MGST1: variants seen among roughly 807,000 people sequenced by gnomAD.
The protein encoded by MGST1 is microsomal glutathione S-transferase 1.
In MGST1, 5 loss-of-function variants were observed where a neutral mutation model predicts 8.9. The ratio of observed to expected loss-of-function variants is 0.56; its 90% CI spans 0.29 to 1.19. The LOEUF is 1.19. Ranked by LOEUF, MGST1 falls within the 50% of genes most tolerant of loss-of-function variation. The pLI is 0.08. For missense variants in MGST1, 182 were observed against 187.4 expected (o/e 0.97, Z 0.17); for synonymous variants, 54 against 67.8 (o/e 0.80, Z 1.00).
At chr12:16,376,000 C>A in intron 3 of MGST1, 1 of 551,288 alleles carries the variant, frequency 1.8e-6, no homozygotes, top group Non-Finnish European at 2.8e-6. Flanking sequence ...CACACAACAC[C>A]CACACACCTA....
rs1009607903 is a variant in MGST1, at chr12:16,431,201, G to A, written n.779-6187G>A. On this transcript the variant is annotated intron_variant and non_coding_transcript_variant, in intron 1 of 1. Coordinates refer to the MGST1 transcript ENST00000359720. ...CCTGGATTAAGCTTTGGCTTCAGGG[G>A]ACATTGTAGCTGGTTTGATCTTCTA... Among the ~76,000 whole-genome samples the A allele has an allele frequency of 3.3e-5, 5 of 152,336 alleles. No homozygotes were observed. In the South Asian group the frequency reaches 1.0e-3, roughly 32 times the overall value.
chr12:16,401,671 C>T lies in MGST1; in HGVS notation n.778+18067C>T. ...ACACTGAACTTGAGATTATAGTTGC[C>T]ACCACTCTGAATGATAGGAGGGTAA... On this transcript the variant is annotated intron_variant and non_coding_transcript_variant, in intron 1 of 1. Coordinates refer to the MGST1 transcript ENST00000359720. The surrounding 1 kb of genome is among the most constrained non-coding windows in gnomAD (Gnocchi z 4.3). The T allele has an allele frequency of 2.5e-6, 4 of 1,602,882 alleles. No homozygotes were observed. The highest frequency in any genetic ancestry group is 3.4e-6 in the Non-Finnish European group (4 of 1,169,774).
intron 1 of MGST1, among the ~76,000 whole-genome samples, chr12:16,393,981 A>C (rs1280382922): frequency 6.6e-6 from 1 of 152,262 alleles, no homozygotes; most frequent in Admixed American, 6.5e-5. Context: ...TGGCACGAAC[A>C]TTCAGGTACA....
Position 16,348,000 on chromosome 12 carries a change from C to A in MGST1, c.-23+290C>A, listed in dbSNP as rs950546713. 6.6e-6 allele frequency: 1 copy of A among 152,138 alleles called. No individual in the cohort carries two copies. The highest frequency in any genetic ancestry group is 1.5e-5 in the Non-Finnish European group (1 of 68,034). 9.4% of individuals were successfully genotyped at this position (152,138 alleles called of 1,614,324 possible). A position where few individuals can be genotyped will look rare whatever the true frequency, so the allele number is the denominator to read the frequency against. ...TAGCCTTTTCAAGTCAAAGTAACCT[C>A]CTGTTTGAAAGGGTCCCTTGAACTC... On this transcript the variant is annotated intron_variant, in intron 1 of 3. Transcript: ENST00000396210. This position sits in a 1 kb window ranked among gnomAD's most constrained non-coding sequence, Gnocchi z 4.0.
chr12:16,547,040 A>C lies in MGST1; in HGVS notation n.483-42488A>C, dbSNP rs777452070. ...AGTCTTACATCTTGATTATAAAAGT[A>C]AAAATATACCTTTCTGAATAATACT... On this transcript the variant is annotated intron_variant and non_coding_transcript_variant, in intron 4 of 4. Coordinates refer to the MGST1 transcript ENST00000538857. This position sits in a 1 kb window ranked among gnomAD's most constrained non-coding sequence, Gnocchi z 4.6. Among the ~76,000 whole-genome samples the C allele has an allele frequency of 6.6e-6, 1 of 152,178 alleles. No individual in the cohort carries two copies. The highest frequency in any genetic ancestry group is 1.5e-5 in the Non-Finnish European group (1 of 68,036).
rs150464876 is a variant in MGST1 at position 16,491,639 on chromosome 12, T to C, written n.483-97889T>C. Among the ~76,000 whole-genome samples the C allele has an allele frequency of 4.6e-5, 7 of 152,302 alleles. No individual in the cohort carries two copies. The East Asian group carries it at 1.3e-3, about 29-fold the overall frequency. On this transcript the variant is annotated intron_variant and non_coding_transcript_variant, in intron 4 of 4. Transcript: ENST00000538857. The stretch of plus-strand genomic sequence containing the variant: ...TGAATAAATGTAAGTACTTTACATT[T>C]AGTGTTTCAAATAGGATGAGCTTAC...
At chr12:16,372,780 T>A (rs535141858) in intron 3 of MGST1, among the ~76,000 whole-genome samples, 1 of 151,352 alleles carries the variant, frequency 6.6e-6, no homozygotes, top group African/African-American at 2.4e-5. Flanking sequence ...TAAGTGCCCA[T>A]CAACAGGTGG....
Position 16,426,994 on chromosome 12 carries a change from C to G in MGST1, n.779-10394C>G, listed in dbSNP as rs184246661. Among the ~76,000 whole-genome samples, 495 of 142,302 alleles carry G rather than the reference C, an allele frequency of 3.5e-3. 2 individuals carry two copies. Among genetic ancestry groups the G allele is most frequent in the African/African-American group, 0.012 (477 of 39,318 alleles). 93.4% of individuals were successfully genotyped at this position (142,302 alleles called of 152,430 possible). ...CAAAAAAAAAAAAAAAAAAGCTGAA[C>G]AAAACAGAATTATATTCATTCATTA... is the stretch of plus-strand genomic sequence containing the variant. On this transcript the variant is annotated intron_variant and non_coding_transcript_variant, in intron 1 of 1. Transcript: ENST00000359720.
intron 4 of MGST1, among the ~76,000 whole-genome samples, chr12:16,525,855 A>G (rs1482736297): frequency 2.0e-5 from 3 of 151,018 alleles, no homozygotes; most frequent in Admixed American, 1.3e-4. Flanking sequence ...GTGAGATGGT[A>G]TCTCATTGTG....
chr12:16,549,249 A>G (rs1040947150), intron 4 of MGST1: 1 of 152,120 alleles, frequency 6.6e-6, no homozygotes, highest in Non-Finnish European at 1.5e-5. Context: ...AAACAAGTGT[A>G]AGGCTCTAAG....
At chr12:16,564,436 C>G (rs896149161) in intron 4 of MGST1, among the ~76,000 whole-genome samples, 1 of 152,212 alleles carries the variant, frequency 6.6e-6, no homozygotes, top group African/African-American at 2.4e-5. Context: ...AGTGTATATC[C>G]ATTTCTAACG....
chr12:16,377,130 T>G (rs1313134515), exon 4 of MGST1: 1 of 152,058 alleles, frequency 6.6e-6, no homozygotes, highest in Non-Finnish European at 1.5e-5. Context: ...ATACTCCAGT[T>G]TTTTGTGTGC....
intron 1 of MGST1, among the ~76,000 whole-genome samples, chr12:16,405,946 C>A (rs929729774): frequency 1.3e-5 from 2 of 152,154 alleles, no homozygotes; most frequent in Non-Finnish European, 2.9e-5. Context: ...AACTCACAGC[C>A]AACATCATAC....
At chr12:16,399,476 C>A in intron 1 of MGST1, 2 of 1,554,570 alleles carry the variant, frequency 1.3e-6, no homozygotes, top group South Asian at 2.2e-5. Context: ...CCTTTCCACT[C>A]TCTTCTTCAC....
chr12:16,513,932 G>T lies in MGST1; in HGVS notation n.483-75596G>T. 1.8e-6 allele frequency: 1 copy of T among 546,136 alleles called. No homozygotes were observed. Among genetic ancestry groups the T allele is most frequent in the South Asian group, 1.7e-5 (1 of 58,356 alleles). The allele number at this position is 546,136 out of a possible 1,614,324, so 33.8% of individuals were successfully genotyped here. ...CTACAAGGTTATCGATACTATGACC[G>T]CAAGACTTGCGGTTTTGACTTCACA... On this transcript the variant is annotated intron_variant and non_coding_transcript_variant, in intron 4 of 4. Transcript: ENST00000538857. This position sits in a 1 kb window ranked among gnomAD's most constrained non-coding sequence, Gnocchi z 4.2.
intron 4 of MGST1, among the ~76,000 whole-genome samples, chr12:16,566,106 C>G (rs1224285224): frequency 7.1e-6 from 1 of 141,660 alleles, no homozygotes. Flanking sequence ...CTGGATGAAC[C>G]TGGAGGGCAT....
chr12:16,483,700 A>G (rs1178656652), intron 4 of MGST1, among the ~76,000 whole-genome samples: 2 of 152,314 alleles, frequency 1.3e-5, no homozygotes, highest in South Asian at 2.1e-4. Context: ...ACATAACCTT[A>G]AGACACACAA....
chr12:16,493,219 C>A (rs1209033797), intron 4 of MGST1, among the ~76,000 whole-genome samples: 1 of 152,174 alleles, frequency 6.6e-6, no homozygotes, highest in Non-Finnish European at 1.5e-5. Flanking sequence ...AGTACTGAAG[C>A]TTCTACTTTT....
rs1443019035 is a variant in MGST1, at chr12:16,482,077, GA to G, written n.482+98477del. On this transcript the variant is annotated intron_variant and non_coding_transcript_variant, in intron 4 of 4. Transcript: ENST00000538857. This position sits in a 1 kb window ranked among gnomAD's most constrained non-coding sequence, Gnocchi z 4.2. ...TATAAAATAATAACATTGAGGTGCT[GA>G]AAATATAATAGTCAACATAAAATTG... 6.6e-6 allele frequency among the ~76,000 whole-genome samples: 1 copy of G among 152,150 alleles called. No homozygotes were observed. Among genetic ancestry groups the G allele is most frequent in the African/African-American group, 2.4e-5 (1 of 41,438 alleles).
Sources: gnomAD v4.1 joint callset for allele counts (sites outside exome capture counted in the v4.1 genomes callset) on GRCh38, gnomAD v4.1.1 for gene constraint, Gnocchi (gnomAD v3.1) non-coding constraint, MANE v1.5 for transcripts, NCBI Gene and HGNC (gene_info 2026-07-23, HGNC 2026-07-21) for gene names.